ZBTB20: variants seen among roughly 807,000 people sequenced by gnomAD.
ZBTB20 encodes the protein zinc finger and BTB domain containing 20.
ZBTB20 carries 9 observed loss-of-function variants against 56.9 expected under a neutral mutation model. The observed-to-expected ratio is 0.16, with a 90% CI of 0.10 to 0.28. The LOEUF is 0.28. ZBTB20 is among the 10% of genes least tolerant of loss of function. The pLI, the probability that ZBTB20 is intolerant of heterozygous loss-of-function variation, is 1.00. For synonymous variants in ZBTB20, 417 were observed against 420.7 expected, an observed-to-expected ratio of 0.99 and a Z score of 0.11; for missense variants, 655 against 1,003.0, an observed-to-expected ratio of 0.65 and a Z score of 4.69.
rs2079175199 is a variant in ZBTB20 at position 114,329,708 on chromosome 3, GGAAAA to G, written c.*9292_*9296del. 1.6e-4 allele frequency: 3 copies of G among 19,122 alleles called. No individual in the cohort carries two copies. The highest frequency in any genetic ancestry group is 6.0e-4 in the African/African-American group (3 of 4,974). The allele number at this position is 19,122 out of a possible 1,614,324, so 1.2% of individuals were successfully genotyped here. Reference sequence around the variant, plus strand: ...CTGAAACTCTGGTTTTACTTTTTTTGGAAAAAAAAAAAAAAAAAAAAAAAAAAAAC... The same window carrying G: ...CTGAAACTCTGGTTTTACTTTTTTTGAAAAAAAAAAAAAAAAAAAAAAAAC... On this transcript the variant is annotated 3_prime_UTR_variant, in exon 12 of 12. Transcript: ENST00000675478.
chr3:114,751,160 A>G (rs1269754824), intron 5 of ZBTB20, among the ~76,000 whole-genome samples: 2 of 152,182 alleles, frequency 1.3e-5, no homozygotes, highest in African/African-American at 2.4e-5. Flanking sequence ...TGTGTTATAT[A>G]TTAATGAGCT....
chr3:114,580,850 T>G (rs2054574067), intron 6 of ZBTB20, among the ~76,000 whole-genome samples: 1 of 151,844 alleles, frequency 6.6e-6, no homozygotes. Flanking sequence ...GCAAGACACA[T>G]TATAAAAATG....
At chr3:114,465,577 C>T (rs2092511959) in intron 7 of ZBTB20, among the ~76,000 whole-genome samples, 1 of 151,914 alleles carries the variant, frequency 6.6e-6, no homozygotes, top group African/African-American at 2.4e-5. Flanking sequence ...CATGGTGGCA[C>T]ACGCCTGTAA....
At chr3:115,014,603 G>A (rs1363724543) in intron 2 of ZBTB20, among the ~76,000 whole-genome samples, 2 of 151,300 alleles carry the variant, frequency 1.3e-5, no homozygotes, top group Non-Finnish European at 3.0e-5. Flanking sequence ...TATTTTTATT[G>A]AGTTTTTTTC....
At chr3:115,026,305 T>C (rs982533445) in intron 2 of ZBTB20, among the ~76,000 whole-genome samples, 6 of 151,008 alleles carry the variant, frequency 4.0e-5, no homozygotes, top group Non-Finnish European at 7.4e-5. Context: ...ACCAAATAAC[T>C]CCTGGCAGTT....
intron 5 of ZBTB20, among the ~76,000 whole-genome samples, chr3:114,739,763 A>G (rs2066442121): frequency 1.3e-5 from 2 of 152,226 alleles, no homozygotes; most frequent in Admixed American, 1.3e-4. Flanking sequence ...CCTTTAGGGT[A>G]AACTCATTCA....
chr3:114,501,622 G>A (rs1301813186), intron 6 of ZBTB20, among the ~76,000 whole-genome samples: 17 of 110,706 alleles, frequency 1.5e-4, no homozygotes, highest in Admixed American at 1.5e-3. Context: ...GCAAAACTCC[G>A]TCAAAAAAAA....
In ZBTB20 at chr3:114,472,149, C is replaced by A. The variant is rs151013620; in HGVS notation, c.-255+28203G>T. ...TTATGTCTAGAATTTTTGTAGTAGC[C>A]AGTGTACAGACAAAATCACTAAAAT... On this transcript the variant is annotated intron_variant, in intron 7 of 11. Coordinates refer to ENST00000675478, the MANE Select transcript of ZBTB20 (RefSeq NM_001348800.3). Among the ~76,000 whole-genome samples, 733 of 152,308 alleles carry A rather than the reference C, an allele frequency of 4.8e-3. 6 individuals carry two copies. The highest frequency in any genetic ancestry group is 0.017 in the African/African-American group (691 of 41,564).
intron 5 of ZBTB20, among the ~76,000 whole-genome samples, chr3:114,757,197 C>A (rs1179500356): frequency 6.6e-6 from 1 of 152,026 alleles, no homozygotes; most frequent in Non-Finnish European, 1.5e-5. Context: ...TCACTGATGA[C>A]AAGTCTAAAA....
chr3:115,048,631 A>G (rs940298342), intron 2 of ZBTB20, among the ~76,000 whole-genome samples: 1 of 152,204 alleles, frequency 6.6e-6, no homozygotes, highest in Non-Finnish European at 1.5e-5. Flanking sequence ...TCACAAAATG[A>G]ATCAAATTCA....
At chr3:114,347,067 T>C (rs982762068) in intron 11 of ZBTB20, among the ~76,000 whole-genome samples, 2 of 147,880 alleles carry the variant, frequency 1.4e-5, no homozygotes, top group African/African-American at 5.0e-5. Flanking sequence ...TTATAATTTA[T>C]TCTCTTCAGG....
rs557607685 is a variant in ZBTB20, at chr3:114,410,341, AC to A, written c.-254-21237del. Among the ~76,000 whole-genome samples, 25 of 152,214 alleles carry A rather than the reference AC, an allele frequency of 1.6e-4. No individual in the cohort carries two copies. In the South Asian group the frequency reaches 5.2e-3, roughly 32 times the overall value. Reference sequence around the variant, plus strand: ...TGGGGACAGAACCGTATCCAGAGGTACTATTAAGATAAGAAAATTCAGGAAG... The same window carrying A: ...TGGGGACAGAACCGTATCCAGAGGTATATTAAGATAAGAAAATTCAGGAAG... On this transcript the variant is annotated intron_variant, in intron 7 of 11. Transcript: ENST00000675478.
chr3:114,808,521 C>A (rs558275797), intron 4 of ZBTB20, among the ~76,000 whole-genome samples: 1 of 151,856 alleles, frequency 6.6e-6, no homozygotes, highest in Admixed American at 6.5e-5. Flanking sequence ...GGTGGTGATA[C>A]CTTCTCTCTG....
At chr3:114,742,991 T>C (rs2066731201) in intron 5 of ZBTB20, among the ~76,000 whole-genome samples, 1 of 152,208 alleles carries the variant, frequency 6.6e-6, no homozygotes, top group Non-Finnish European at 1.5e-5. Context: ...GTTTTTCCCT[T>C]GCCCCATCAT....
intron 6 of ZBTB20, among the ~76,000 whole-genome samples, chr3:114,527,736 C>A (rs1166880131): frequency 2.0e-5 from 3 of 151,938 alleles, no homozygotes; most frequent in African/African-American, 7.3e-5. Context: ...GGAGGCTGAC[C>A]ATATATTCAT....
intron 5 of ZBTB20, chr3:114,710,301 C>T (rs2063983726): frequency 6.6e-6 from 1 of 152,168 alleles, no homozygotes; most frequent in African/African-American, 2.4e-5. Flanking sequence ...TCTTCGTACC[C>T]TGTAGGCTTA....
chr3:114,527,299 G>C (rs1157763822), intron 6 of ZBTB20: 3 of 152,162 alleles, frequency 2.0e-5, no homozygotes, highest in Non-Finnish European at 2.9e-5. Context: ...AATGTTTCTG[G>C]CACTCAATCC....
At chr3:114,732,223 T>A (rs984260521) in intron 5 of ZBTB20, among the ~76,000 whole-genome samples, 2 of 152,196 alleles carry the variant, frequency 1.3e-5, no homozygotes, top group African/African-American at 4.8e-5. Context: ...TATCTAACAT[T>A]GTTTCTCTTC....
chr3:114,969,374 C>A (rs1055331928), intron 3 of ZBTB20, among the ~76,000 whole-genome samples: 1 of 152,148 alleles, frequency 6.6e-6, no homozygotes, highest in Non-Finnish European at 1.5e-5. Flanking sequence ...TTCACTGATA[C>A]ATCGATCCTT....
Sources: allele counts gnomAD v4.1 joint callset (sites outside exome capture counted in the v4.1 genomes callset), GRCh38; gene constraint gnomAD v4.1.1; transcripts MANE v1.5; gene names NCBI Gene and HGNC (gene_info 2026-07-23, HGNC 2026-07-21).